THRB: variants seen among roughly 807,000 people sequenced by gnomAD.
THRB encodes nuclear receptor subfamily 1 group A member 2.
A neutral mutation model predicts 47.8 loss-of-function variants in THRB; 12 were observed. The ratio of observed to expected loss-of-function variants is 0.25; its 90% CI spans 0.16 to 0.41. The LOEUF is 0.41. Among genes scored for constraint, THRB ranks in the 10% least tolerant of loss-of-function variants. THRB has a pLI of 1.00. For missense variants in THRB, 348 were observed against 589.2 expected (o/e 0.59, Z 4.24); for synonymous variants, 218 against 212.2 (o/e 1.03, Z -0.24).
intron 1 of THRB, among the ~76,000 whole-genome samples, chr3:24,475,439 T>C (rs910269715): frequency 1.3e-5 from 2 of 152,182 alleles, no homozygotes; most frequent in Non-Finnish European, 2.9e-5. Context: ...ACTTAATATA[T>C]ATACAATGTT....
upstream of THRB, chr3:24,495,531 T>C (rs992832217): frequency 2.0e-5 from 3 of 152,334 alleles, no homozygotes; most frequent in Middle Eastern, 3.1e-3. Context: ...CCTCCCAGGG[T>C]TGGTGACGGT....
chr3:24,167,703 C>T (rs2039832722), intron 5 of THRB, among the ~76,000 whole-genome samples: 1 of 152,088 alleles, frequency 6.6e-6, no homozygotes, highest in Non-Finnish European at 1.5e-5. Flanking sequence ...TGCAGTTTTG[C>T]CCAGTGCATT....
intron 10 of THRB, among the ~76,000 whole-genome samples, chr3:24,123,979 G>A (rs1234644745): frequency 1.3e-5 from 2 of 152,206 alleles, no homozygotes; most frequent in Non-Finnish European, 2.9e-5. Context: ...TAGTTGGGCT[G>A]CAGACACTTG....
intron 1 of THRB, among the ~76,000 whole-genome samples, chr3:24,342,429 G>A (rs2062731341): frequency 6.6e-6 from 1 of 152,144 alleles, no homozygotes; most frequent in African/African-American, 2.4e-5. Context: ...TGGGGTGGGG[G>A]TCATTCAGCA....
intron 5 of THRB, among the ~76,000 whole-genome samples, chr3:24,170,031 G>A (rs1407458033): frequency 1.3e-5 from 2 of 152,180 alleles, no homozygotes; most frequent in Non-Finnish European, 2.9e-5. Flanking sequence ...CATCCATGTG[G>A]ATATCTCCAT....
chr3:24,438,617 C>T (rs2071226615), intron 1 of THRB, among the ~76,000 whole-genome samples: 1 of 151,978 alleles, frequency 6.6e-6, no homozygotes, highest in Non-Finnish European at 1.5e-5. Context: ...GGAGGGCCCT[C>T]AGGGGGCATC....
intron 3 of THRB, among the ~76,000 whole-genome samples, chr3:24,261,274 G>A (rs940862772): frequency 1.3e-5 from 2 of 151,706 alleles, no homozygotes; most frequent in Admixed American, 1.3e-4. Flanking sequence ...AGGCCGAGGC[G>A]GGCAGATCAC....
At chr3:24,143,916 C>T (rs924411838) in intron 7 of THRB, 9 of 598,192 alleles carry the variant, frequency 1.5e-5, no homozygotes, top group African/African-American at 7.4e-5. Context: ...GCCAAACTCC[C>T]CATGACCGGC....
chr3:24,273,462 G>T (rs560196479), intron 3 of THRB, among the ~76,000 whole-genome samples: 22 of 152,246 alleles, frequency 1.4e-4, no homozygotes, highest in African/African-American at 5.3e-4. Flanking sequence ...TGAATAATTA[G>T]AATAAATTGT....
At chr3:24,205,611 G>C (rs2045237667) in intron 4 of THRB, among the ~76,000 whole-genome samples, 1 of 152,256 alleles carries the variant, frequency 6.6e-6, no homozygotes, top group South Asian at 2.1e-4. Context: ...AAAATAACCA[G>C]CTAACATCAT....
chr3:24,203,694 G>A (rs576943010), intron 4 of THRB, among the ~76,000 whole-genome samples: 75 of 152,302 alleles, frequency 4.9e-4, no homozygotes, highest in African/African-American at 1.3e-3. Context: ...AGTGTGAGCC[G>A]AAGCAGGGCA....
intron 1 of THRB, among the ~76,000 whole-genome samples, chr3:24,346,547 G>C (rs2063030318): frequency 6.6e-6 from 1 of 151,830 alleles, no homozygotes; most frequent in African/African-American, 2.4e-5. Context: ...TTAAATCCCA[G>C]TTAAATGCTG....
intron 5 of THRB, among the ~76,000 whole-genome samples, chr3:24,189,806 C>T: frequency 6.6e-6 from 1 of 152,226 alleles, no homozygotes; most frequent in East Asian, 1.9e-4. Context: ...CTTACAACCC[C>T]TCTACTAATT....
intron 2 of THRB, among the ~76,000 whole-genome samples, chr3:24,297,746 T>C (rs1451420058): frequency 6.6e-6 from 1 of 152,220 alleles, no homozygotes; most frequent in East Asian, 1.9e-4. Context: ...CTGCACATTA[T>C]AATCACCTGG....
chr3:24,247,794 T>A (rs905970081), intron 3 of THRB, among the ~76,000 whole-genome samples: 1 of 152,156 alleles, frequency 6.6e-6, no homozygotes, highest in South Asian at 2.1e-4. Context: ...GCTTCAATCT[T>A]TTCTGAATGA....
chr3:24,481,987 T>C (rs1696507782), intron 1 of THRB, among the ~76,000 whole-genome samples: 1 of 152,166 alleles, frequency 6.6e-6, no homozygotes, highest in South Asian at 2.1e-4. Flanking sequence ...TCTTTGAGGC[T>C]GAAAAATACT....
At chr3:24,370,549 A>T (rs1389651224) in intron 1 of THRB, among the ~76,000 whole-genome samples, 2 of 152,092 alleles carry the variant, frequency 1.3e-5, no homozygotes, top group Non-Finnish European at 2.9e-5. Flanking sequence ...CCAAGGAGAT[A>T]ATCATCTATG....
intron 1 of THRB, among the ~76,000 whole-genome samples, chr3:24,440,964 T>C (rs2071467700): frequency 6.6e-6 from 1 of 152,216 alleles, no homozygotes; most frequent in Non-Finnish European, 1.5e-5. Flanking sequence ...CAGCCCTTTG[T>C]TCAGGATCTC....
intron 7 of THRB, chr3:24,144,009 G>A: frequency 2.3e-6 from 1 of 442,480 alleles, no homozygotes. Flanking sequence ...ACAGAGTGAA[G>A]CAGAGAGGTA....
Sources: gnomAD v4.1 joint callset for allele counts (sites outside exome capture counted in the v4.1 genomes callset) on GRCh38, gnomAD v4.1.1 for gene constraint, MANE v1.5 for transcripts, NCBI Gene and HGNC (gene_info 2026-07-23, HGNC 2026-07-21) for gene names.